COL11A2: variants seen among roughly 807,000 people sequenced by gnomAD.
COL11A2 encodes the protein collagen type XI alpha 2 chain.
In COL11A2, 116 loss-of-function variants were observed where a neutral mutation model predicts 273.4. The ratio of observed to expected loss-of-function variants is 0.42; its 90% CI spans 0.36 to 0.49. The LOEUF is 0.49. Among genes scored for constraint, COL11A2 ranks in the 20% least tolerant of loss-of-function variants. COL11A2 has a pLI of 0.00. For missense variants in COL11A2, 1,866 were observed against 2,309.0 expected (o/e 0.81, Z 3.93); for synonymous variants, 782 against 864.2 (o/e 0.90, Z 1.67).
chr6:33,177,082 G>T lies in COL11A2; in HGVS notation c.2017-37C>A. ...CAAAGAGGCTCAGGGTCACTAGAGG[G>T]GTCATGTCTGGACACAGACAAAATC... On this transcript the variant is annotated intron_variant, in intron 24 of 65. Coordinates refer to ENST00000341947, the MANE Select transcript of COL11A2 (RefSeq NM_080680.3). The surrounding 1 kb of genome is among the most constrained non-coding windows in gnomAD (Gnocchi z 5.9). The T allele has an allele frequency of 6.2e-7, 1 of 1,612,520 alleles. No homozygotes were observed. Among genetic ancestry groups the T allele is most frequent in the Non-Finnish European group, 8.5e-7 (1 of 1,179,716 alleles).
chr6:33,172,136 T>C, intron 40 of COL11A2, 33 bp from the exon 41 acceptor site: 1 of 1,610,866 alleles, frequency 6.2e-7, no homozygotes, highest in Non-Finnish European at 8.5e-7. Flanking sequence ...AGATGAGACT[T>C]CACGAAAAGA....
At position 33,185,058 on chromosome 6, in the gene COL11A2, A is replaced by T. The variant is rs1799907; in HGVS notation, c.877-4T>A. ...CCTCTTCACCTGGGGTGGGGTCCTGACCCCAAGGAGAGAAGGAGAAGAGTA... is the reference window on the plus strand; with the variant it reads ...CCTCTTCACCTGGGGTGGGGTCCTGTCCCCAAGGAGAGAAGGAGAAGAGTA... On this transcript the variant is annotated splice_region_variant and splice_polypyrimidine_tract_variant and intron_variant, in intron 6 of 65. Coordinates refer to ENST00000341947, the MANE Select transcript of COL11A2 (RefSeq NM_080680.3). 0.31 allele frequency: 483,130 copies of T among 1,548,026 alleles called. 77,240 individuals are homozygous for T. Among genetic ancestry groups the T allele is most frequent in the South Asian group, 0.39 (32,390 of 83,962 alleles).
At position 33,178,599 on chromosome 6, in the gene COL11A2, C is replaced by T. The variant is rs768117875; in HGVS notation, c.1719+80G>A. On this transcript the variant is annotated intron_variant, in intron 18 of 65. Transcript: ENST00000341947. This position sits in a 1 kb window ranked among gnomAD's most constrained non-coding sequence, Gnocchi z 4.6. ...CTTTCACTGAGCTCCTGCCAAGCCT[C>T]CAGCCTCCCTTCCCTACCTATCCTC... is the stretch of plus-strand genomic sequence containing the variant. 1 of 1,606,906 alleles carries T rather than the reference C, an allele frequency of 6.2e-7. No individual in the cohort carries two copies. Among genetic ancestry groups the T allele is most frequent in the East Asian group, 2.2e-5 (1 of 44,840 alleles).
chr6:33,186,047 C>T (rs1772380905), intron 5 of COL11A2, among the ~76,000 whole-genome samples: 1 of 151,828 alleles, frequency 6.6e-6, no homozygotes, highest in African/African-American at 2.4e-5. Context: ...ACCACTGACC[C>T]CAGAGCCTAT....
chr6:33,177,475 G>A lies in COL11A2; in HGVS notation c.1918-10C>T, dbSNP rs1372020313. ...GCTCTCCCTGGGGTCCCTAGAAACAGGTGACCAGGCACAGGTCAGAAGGAG... is the reference window on the plus strand; with the variant it reads ...GCTCTCCCTGGGGTCCCTAGAAACAAGTGACCAGGCACAGGTCAGAAGGAG... On this transcript the variant is annotated splice_polypyrimidine_tract_variant and intron_variant, in intron 22 of 65. Transcript: ENST00000341947. The surrounding 1 kb of genome is among the most constrained non-coding windows in gnomAD (Gnocchi z 5.9). The A allele has an allele frequency of 1.8e-5, 29 of 1,612,744 alleles. No individual in the cohort carries two copies. Among genetic ancestry groups the A allele is most frequent in the Non-Finnish European group, 2.2e-5 (26 of 1,179,932 alleles).
At position 33,176,410 on chromosome 6, in the gene COL11A2, C is replaced by T; in HGVS notation, c.2169+23G>A. The T allele has an allele frequency of 6.2e-7, 1 of 1,611,856 alleles. No homozygotes were observed. Among genetic ancestry groups the T allele is most frequent in the Non-Finnish European group, 8.5e-7 (1 of 1,179,468 alleles). On this transcript the variant is annotated intron_variant, in intron 27 of 65. Transcript: ENST00000341947. This position sits in a 1 kb window ranked among gnomAD's most constrained non-coding sequence, Gnocchi z 4.9. ...AGCTCCCCTGACCACAGCCCTTTGT[C>T]TCCCAGCCTGGTGGTCAGTTACCTT...
At position 33,179,783 on chromosome 6, in the gene COL11A2, C is replaced by T. The variant is rs141140798; in HGVS notation, c.1382G>A (p.Gly461Asp). The T allele has an allele frequency of 3.9e-4, 628 of 1,611,726 alleles. 1 individual carries two copies. Among genetic ancestry groups the T allele is most frequent in the Admixed American group, 1.1e-3 (64 of 60,030 alleles). ...MLPFRFGSGG[G>D]DKGPVVAAQE... The stretch of plus-strand genomic sequence containing the variant: ...GGCCGCCACCACAGGGCCCTTGTCA[C>T]CCCCACCACTGCCAAACCGGAACTG... The change falls in exon 13 of 66, where the codon GGT (glycine) becomes GAT (aspartate). Residue 461 changes from glycine to aspartate, a missense_variant. By Grantham distance (94) the Gly-to-Asp change is moderately conservative. Transcript: ENST00000341947. This position sits in a 1 kb window ranked among gnomAD's most constrained non-coding sequence, Gnocchi z 6.4.
chr6:33,180,169 T>G, intron 12 of COL11A2, 89 bp downstream of exon 12: 1 of 1,321,372 alleles, frequency 7.6e-7, no homozygotes, highest in Non-Finnish European at 1.1e-6. Context: ...GACTCCTCCA[T>G]ATCTTTCCTG....
rs1162806848 is a variant in COL11A2 at position 33,176,904 on chromosome 6, A to G, written c.2070+88T>C. On this transcript the variant is annotated intron_variant, in intron 25 of 65. Coordinates refer to ENST00000341947, the MANE Select transcript of COL11A2 (RefSeq NM_080680.3). The surrounding 1 kb of genome is among the most constrained non-coding windows in gnomAD (Gnocchi z 4.9). ...GGACAAGCACCACCAGTGACCTTTC[A>G]GTGCAAGGGTCACTAAAGGAGCTCT... is the stretch of plus-strand genomic sequence containing the variant. The G allele has an allele frequency of 1.3e-6, 2 of 1,524,968 alleles. No homozygotes were observed. Among genetic ancestry groups the G allele is most frequent in the Non-Finnish European group, 1.8e-6 (2 of 1,115,626 alleles). 94.5% of individuals were successfully genotyped at this position (1,524,968 alleles called of 1,614,324 possible).
chr6:33,178,704 C>G lies in COL11A2; in HGVS notation c.1694G>C (p.Gly565Ala). 6.2e-7 allele frequency: 1 copy of G among 1,612,914 alleles called. No homozygotes were observed. The highest frequency in any genetic ancestry group is 8.5e-7 in the Non-Finnish European group (1 of 1,179,934). ...CCTATGGCCCTTCTCTCCAGGGAGC[C>G]CTGGGAGTCCATCAAAACCTCGGTC... ...KGDRGFDGLP[G>A]LPGEKGHRGD... The change falls in exon 18 of 66, where the codon GGG becomes GCG. Residue 565 changes from glycine (G) to alanine (A), a missense_variant. Gly to Ala is a moderately conservative substitution (Grantham distance 60). Coordinates refer to ENST00000341947, the MANE Select transcript of COL11A2 (RefSeq NM_080680.3). The surrounding 1 kb of genome is among the most constrained non-coding windows in gnomAD (Gnocchi z 4.6).
At position 33,174,035 on chromosome 6, in the gene COL11A2, C is replaced by A; in HGVS notation, c.2505G>T (p.Gly835=). ...KGARGLSGKS[G]PRGERGPTGP... ...CCGTGGGGCCCCGTTCTCCCCGAGG[C>A]CCTGACTTCCCCGACAGGCCCTGGT... Residue 835 remains glycine, a synonymous_variant, in exon 33 of 66, where the codon GGG becomes GGT. Transcript: ENST00000341947. 1 of 1,614,012 alleles carries A rather than the reference C, an allele frequency of 6.2e-7. No individual in the cohort carries two copies. The highest frequency in any genetic ancestry group is 8.5e-7 in the Non-Finnish European group (1 of 1,179,994).
rs1266557699 is a variant in COL11A2, at chr6:33,166,796, G to A, written c.4262C>T (p.Pro1421Leu). The change falls in exon 59 of 66, where the codon CCC becomes CTC. Residue 1421 changes from proline to leucine, a missense_variant. Coordinates refer to ENST00000341947, the MANE Select transcript of COL11A2 (RefSeq NM_080680.3). The surrounding 1 kb of genome is among the most constrained non-coding windows in gnomAD (Gnocchi z 4.8). ...TCCCTTCTCTCCCTGCTCACCCGGG[G>A]GCCCAATCAGTCCAATGAGACCTGG... ...GHPGLIGLIG[P>L]PGEQGEKGDR... 6.8e-6 allele frequency: 11 copies of A among 1,613,306 alleles called. No individual in the cohort carries two copies. Among genetic ancestry groups the A allele is most frequent in the Non-Finnish European group, 9.3e-6 (11 of 1,180,016 alleles).
rs1168738633 is a variant in COL11A2, at chr6:33,177,081, G to A, written c.2017-36C>T. 6.2e-7 allele frequency: 1 copy of A among 1,612,474 alleles called. No homozygotes were observed. The highest frequency in any genetic ancestry group is 1.3e-5 in the African/African-American group (1 of 74,874). On this transcript the variant is annotated intron_variant, in intron 24 of 65. Coordinates refer to ENST00000341947, the MANE Select transcript of COL11A2 (RefSeq NM_080680.3). The surrounding 1 kb of genome is among the most constrained non-coding windows in gnomAD (Gnocchi z 5.9). ...ACAAAGAGGCTCAGGGTCACTAGAG[G>A]GGTCATGTCTGGACACAGACAAAAT...
chr6:33,174,385 C>T (rs2076312), intron 31 of COL11A2, 142 bp downstream of exon 31: 34 of 1,363,894 alleles, frequency 2.5e-5, no homozygotes, highest in Middle Eastern at 1.8e-4. Context: ...GGGCCTCTTT[C>T]GGTCATCTGT....
rs530899474 is a variant in COL11A2 at position 33,169,167 on chromosome 6, T to G, written c.3799-159A>C. On this transcript the variant is annotated intron_variant, in intron 51 of 65. Coordinates refer to ENST00000341947, the MANE Select transcript of COL11A2 (RefSeq NM_080680.3). This position sits in a 1 kb window ranked among gnomAD's most constrained non-coding sequence, Gnocchi z 5.5. ...CCCTTTCCCTACCACGTGCACTGCG[T>G]GTTGTCTAATTCCTCAAGGTATTAA... is the stretch of plus-strand genomic sequence containing the variant. Among the ~76,000 whole-genome samples, 2 of 152,214 alleles carry G rather than the reference T, an allele frequency of 1.3e-5. No individual in the cohort carries two copies. The highest frequency in any genetic ancestry group is 4.8e-5 in the African/African-American group (2 of 41,534).
intron 7 of COL11A2, 54 bp from the exon 8 acceptor site, chr6:33,184,378 A>C: frequency 7.8e-7 from 1 of 1,275,156 alleles, no homozygotes; most frequent in Non-Finnish European, 1.1e-6. Context: ...GGCTGAGAGG[A>C]GGCTTACCCT....
Position 33,176,756 on chromosome 6 carries a change from C to G in COL11A2, c.2080G>C (p.Gly694Arg), listed in dbSNP as rs1293014293. ...PGSDGPPGHP[G>R]KEGPPGTKGN... ...TTGGTTCCAGGGGGACCTTCCTTCC[C>G]TGGGTGACCCTGGGAGTAAGGGATA... The change falls in exon 26 of 66, where the codon GGG becomes CGG. Residue 694 changes from glycine (G) to arginine (R), a missense_variant. Transcript: ENST00000341947. This position sits in a 1 kb window ranked among gnomAD's most constrained non-coding sequence, Gnocchi z 4.9. 1 of 1,612,850 alleles carries G rather than the reference C, an allele frequency of 6.2e-7. No individual in the cohort carries two copies. Among genetic ancestry groups the G allele is most frequent in the Non-Finnish European group, 8.5e-7 (1 of 1,179,644 alleles).
rs1769302231 is a variant in COL11A2, at chr6:33,167,334, G to A, written c.4123-17C>T. On this transcript the variant is annotated splice_polypyrimidine_tract_variant and intron_variant, in intron 56 of 65. Coordinates refer to ENST00000341947, the MANE Select transcript of COL11A2 (RefSeq NM_080680.3). This position sits in a 1 kb window ranked among gnomAD's most constrained non-coding sequence, Gnocchi z 6.1. ...TTGCTGACCCTGAAGATTTGAGGGGGCCACAGGGGTCAGGAGGAGCATCCC... is the reference window on the plus strand; with the variant it reads ...TTGCTGACCCTGAAGATTTGAGGGGACCACAGGGGTCAGGAGGAGCATCCC... 6.2e-7 allele frequency: 1 copy of A among 1,613,326 alleles called. No homozygotes were observed. Among genetic ancestry groups the A allele is most frequent in the Admixed American group, 1.7e-5 (1 of 60,014 alleles).
upstream of COL11A2, chr6:33,192,588 G>A: frequency 2.3e-6 from 1 of 434,000 alleles, no homozygotes; most frequent in Non-Finnish European, 4.2e-6. Flanking sequence ...TCCACCTGGG[G>A]AGGGAGGCGG....
Sources: gnomAD v4.1 joint callset for allele counts (sites outside exome capture counted in the v4.1 genomes callset) on GRCh38, gnomAD v4.1.1 for gene constraint, Gnocchi (gnomAD v3.1) non-coding constraint, MANE v1.5 for transcripts, NCBI Gene and HGNC (gene_info 2026-07-23, HGNC 2026-07-21) for gene names.